The following EXTL3 variants were observed in gnomAD, a reference collection of about 807,000 sequenced individuals.
EXTL3 encodes exostosin like glycosyltransferase 3.
In EXTL3, 27 loss-of-function variants were observed where a neutral mutation model predicts 69.3. That is an observed-to-expected ratio of 0.39 (90% CI 0.29 to 0.54). EXTL3 has a LOEUF of 0.54. Ranked by LOEUF, EXTL3 falls within the 20% of genes least tolerant of loss-of-function variation. The pLI, the probability that EXTL3 is intolerant of heterozygous loss-of-function variation, is 0.69. For synonymous variants in EXTL3, 511 were observed against 499.4 expected, an observed-to-expected ratio of 1.02 and a Z score of -0.31; for missense variants, 1,003 against 1,231.8, an observed-to-expected ratio of 0.81 and a Z score of 2.78.
chr8:28,735,555 C>A (rs1801633724), intron 4 of EXTL3, among the ~76,000 whole-genome samples: 1 of 152,182 alleles, frequency 6.6e-6, no homozygotes, highest in African/African-American at 2.4e-5. Flanking sequence ...GGTGAATTAT[C>A]ATTGCTGTCT....
intron 1 of EXTL3, among the ~76,000 whole-genome samples, chr8:28,672,924 T>C (rs1386529419): frequency 6.6e-6 from 1 of 152,192 alleles, no homozygotes; most frequent in Admixed American, 6.5e-5. Context: ...TGTGCAGTTC[T>C]TGAGATAGAG....
intron 6 of EXTL3, among the ~76,000 whole-genome samples, chr8:28,748,412 A>G (rs1258602314): frequency 6.6e-6 from 1 of 152,098 alleles, no homozygotes; most frequent in African/African-American, 2.4e-5. Context: ...GTTTTGTACT[A>G]TAGTGGATTA....
chr8:28,670,405 A>G (rs1178090436), intron 1 of EXTL3, among the ~76,000 whole-genome samples: 5 of 152,068 alleles, frequency 3.3e-5, no homozygotes, highest in Admixed American at 6.6e-5. Context: ...TATAGAATTG[A>G]CTCACACAAT....
At chr8:28,711,555 G>A (rs1166104739) in intron 1 of EXTL3, among the ~76,000 whole-genome samples, 3 of 152,132 alleles carry the variant, frequency 2.0e-5, no homozygotes, top group Non-Finnish European at 4.4e-5. Context: ...GAGGAAATGA[G>A]CTCAGGGAGA....
intron 6 of EXTL3, chr8:28,743,957 A>C (rs1397170415): frequency 6.5e-6 from 1 of 152,840 alleles, no homozygotes; most frequent in Non-Finnish European, 1.5e-5. Flanking sequence ...AGAATTCTAG[A>C]AGTTCTGAGG....
upstream of EXTL3, chr8:28,697,794 C>A (rs1800707703): frequency 1.3e-5 from 2 of 150,432 alleles, no homozygotes; most frequent in Admixed American, 6.6e-5. Flanking sequence ...CCACTGCACT[C>A]CAGCCTGGGT....
At chr8:28,608,120 A>AG (rs1554544796) in intron 2 of EXTL3, among the ~76,000 whole-genome samples, 25 of 151,970 alleles carry the variant, frequency 1.6e-4, no homozygotes, top group South Asian at 2.1e-4. Context: ...AAAAAAAAAA[A>AG]AAAGAAAGAA....
chr8:28,707,006 T>C (rs1366693698), intron 1 of EXTL3, among the ~76,000 whole-genome samples: 1 of 152,228 alleles, frequency 6.6e-6, no homozygotes, highest in Non-Finnish European at 1.5e-5. Context: ...TTATTATAAT[T>C]AACTCTTGAA....
At chr8:28,635,357 A>G (rs1172878464) in intron 1 of EXTL3, among the ~76,000 whole-genome samples, 2 of 147,634 alleles carry the variant, frequency 1.4e-5, no homozygotes, top group African/African-American at 5.1e-5. Flanking sequence ...CAGGAGTTTG[A>G]GACCAGCCTG....
intron 1 of EXTL3, among the ~76,000 whole-genome samples, chr8:28,655,440 T>A (rs1340959630): frequency 1.3e-5 from 2 of 152,198 alleles, no homozygotes; most frequent in Non-Finnish European, 2.9e-5. Flanking sequence ...ACCCATGCTC[T>A]TGTGATTTTC....
chr8:28,678,478 A>G (rs1807425006), intron 1 of EXTL3, among the ~76,000 whole-genome samples: 1 of 152,082 alleles, frequency 6.6e-6, no homozygotes, highest in Non-Finnish European at 1.5e-5. Flanking sequence ...AACTGGTGTT[A>G]AAAAGAGCCT....
At chr8:28,687,389 C>G (rs537819194) in intron 1 of EXTL3, among the ~76,000 whole-genome samples, 22 of 152,206 alleles carry the variant, frequency 1.4e-4, no homozygotes, top group South Asian at 1.2e-3. Flanking sequence ...TCGCTTGAAC[C>G]CAGGAGGTGG....
chr8:28,622,593 C>T (rs1441026998), upstream of EXTL3: 2 of 18,282 alleles, frequency 1.1e-4, no homozygotes, highest in African/African-American at 4.2e-4. Context: ...CGGGAGCCGC[C>T]GAGGGGGCGG....
chr8:28,676,093 A>G (rs1184234891), intron 1 of EXTL3, among the ~76,000 whole-genome samples: 1 of 151,744 alleles, frequency 6.6e-6, no homozygotes, highest in Non-Finnish European at 1.5e-5. Context: ...TGAAACATAG[A>G]CTCAAAGGTG....
At chr8:28,615,847 T>C (rs889348148) in intron 2 of EXTL3, among the ~76,000 whole-genome samples, 1 of 152,198 alleles carries the variant, frequency 6.6e-6, no homozygotes, top group African/African-American at 2.4e-5. Context: ...GTGCTGGGAT[T>C]ACAGGCTTTA....
intron 1 of EXTL3, among the ~76,000 whole-genome samples, chr8:28,659,799 G>A (rs919300552): frequency 3.9e-5 from 6 of 152,098 alleles, no homozygotes; most frequent in East Asian, 1.9e-4. Context: ...TTGCAGTTTC[G>A]TTTGCCTATA....
chr8:28,611,487 A>G (rs1048170552), intron 2 of EXTL3, among the ~76,000 whole-genome samples: 2 of 152,070 alleles, frequency 1.3e-5, no homozygotes, highest in Non-Finnish European at 2.9e-5. Flanking sequence ...TTATGGTCTC[A>G]TCTAGCTGTA....
At chr8:28,641,887 G>A (rs986467098) in intron 1 of EXTL3, among the ~76,000 whole-genome samples, 1 of 152,146 alleles carries the variant, frequency 6.6e-6, no homozygotes, top group Admixed American at 6.5e-5. Flanking sequence ...CCAGGCTGGA[G>A]TGCAGTGGAG....
chr8:28,749,368 G>C (rs1426171433), intron 6 of EXTL3, among the ~76,000 whole-genome samples: 1 of 152,188 alleles, frequency 6.6e-6, no homozygotes, highest in Non-Finnish European at 1.5e-5. Flanking sequence ...GAGAATCATA[G>C]TTATTAAATT....
Sources: allele counts gnomAD v4.1 joint callset (sites outside exome capture counted in the v4.1 genomes callset), GRCh38; gene constraint gnomAD v4.1.1; transcripts MANE v1.5; gene names NCBI Gene and HGNC (gene_info 2026-07-23, HGNC 2026-07-21).